Variants in PZP observed in about 807,000 individuals in gnomAD.
PZP encodes the protein pregnancy zone protein.
PZP carries 150 observed loss-of-function variants against 179.8 expected under a neutral mutation model. That is an observed-to-expected ratio of 0.83 (90% CI 0.73 to 0.96). PZP has a LOEUF of 0.96. Ranked by LOEUF, PZP falls within the 40% of genes least tolerant of loss-of-function variation. The pLI is 0.00. For synonymous variants in PZP, 624 were observed against 652.3 expected (o/e 0.96, Z 0.66); for missense variants, 1,689 against 1,764.0 (o/e 0.96, Z 0.76).
intron 25 of PZP, among the ~76,000 whole-genome samples, chr12:9,159,317 A>G (rs1940998206): frequency 6.6e-6 from 1 of 152,166 alleles, no homozygotes; most frequent in Admixed American, 6.5e-5. Flanking sequence ...CTCCTGACAC[A>G]TTTATTTATC....
At chr12:9,159,372 C>A (rs74060491) in intron 25 of PZP, among the ~76,000 whole-genome samples, 1,554 of 152,252 alleles carry the variant, frequency 0.01, 28 homozygotes, top group African/African-American at 0.035. Flanking sequence ...GCTAATAACT[C>A]TCACTTCCCA....
At chr12:9,146,895 G>A (rs956946084), downstream of PZP, among the ~76,000 whole-genome samples, 1 of 132,860 alleles carries the variant, frequency 7.5e-6, no homozygotes, top group African/African-American at 2.9e-5. Flanking sequence ...CAGAGAAGTT[G>A]GAGTATTGGA....
Position 9,196,571 on chromosome 12 carries a change from C to T in PZP, c.982G>A (p.Asp328Asn), listed in dbSNP as rs1475073389. ...VEARIREEGTDLEVTANRISE... is the reference protein window; with the variant it reads ...VEARIREEGTNLEVTANRISE... ...TCCCATATTCGTTCATTACTCACAC[C>T]TGTCCCCTCTTCTCTGATCCTGGCT... The change falls in exon 9 of 36, where the codon GAC becomes AAC. Residue 328 changes from aspartate to asparagine, a missense_variant and splice_region_variant. Physicochemically the swap from Asp to Asn is conservative, Grantham distance 23. Around this residue, in one of 3 missense-constraint regions of PZP, gnomAD observed 742 missense variants for 730.5 expected, o/e 1.02. Coordinates refer to ENST00000261336, the MANE Select transcript of PZP (RefSeq NM_002864.3). The T allele has an allele frequency of 2.5e-6, 4 of 1,598,334 alleles. No homozygotes were observed. The highest frequency in any genetic ancestry group is 1.7e-4 in the Middle Eastern group (1 of 6,034).
chr12:9,181,074 A>G lies in PZP; in HGVS notation c.1748T>C (p.Val583Ala), dbSNP rs1360774822. The G allele has an allele frequency of 6.2e-7, 1 of 1,614,162 alleles. No individual in the cohort carries two copies. Among genetic ancestry groups the G allele is most frequent in the Non-Finnish European group, 8.5e-7 (1 of 1,180,002 alleles). ...ACAGAGGGACTGCGGAGCAGCTGCT[A>G]CTTGCAGGTGGGCATGTGAGGCTGG... ...SPPASHAHLQ[V>A]AAAPQSLCAL... Residue 583 changes from valine (V) to alanine (A), a missense_variant, in exon 15 of 36, where the codon GTA becomes GCA. Physicochemically the swap from Val to Ala is moderately conservative, Grantham distance 64. Transcript: ENST00000261336.
At chr12:9,187,870 A>T (rs1943219972) in intron 13 of PZP, among the ~76,000 whole-genome samples, 1 of 152,216 alleles carries the variant, frequency 6.6e-6, no homozygotes, top group African/African-American at 2.4e-5. Flanking sequence ...TCAAGATGGA[A>T]AAAATGGCAG....
chr12:9,154,277 A>G (rs1010324674), intron 29 of PZP, among the ~76,000 whole-genome samples: 4 of 152,190 alleles, frequency 2.6e-5, no homozygotes, highest in African/African-American at 9.7e-5. Flanking sequence ...AAGGCTGAGG[A>G]TAGTTCCTTT....
At chr12:9,147,293 T>C (rs535058196), downstream of PZP, among the ~76,000 whole-genome samples, 39 of 152,260 alleles carry the variant, frequency 2.6e-4, no homozygotes, top group Non-Finnish European at 4.4e-4. Context: ...GTCAGAACTC[T>C]ATCACTGGCA....
At chr12:9,157,442 T>C in intron 27 of PZP, 87 bp from the exon 28 acceptor site, 1 of 1,292,914 alleles carries the variant, frequency 7.7e-7, no homozygotes, top group Non-Finnish European at 1.1e-6. Flanking sequence ...TCAGATGTTA[T>C]TAATAGATTT....
chr12:9,159,711 C>T (rs139872482), intron 25 of PZP, among the ~76,000 whole-genome samples: 14 of 151,746 alleles, frequency 9.2e-5, no homozygotes, highest in African/African-American at 2.7e-4. Context: ...CCTGCATCAC[C>T]GTGGGACTCC....
intron 13 of PZP, among the ~76,000 whole-genome samples, chr12:9,186,848 T>C (rs539839881): frequency 1.0e-3 from 24 of 23,000 alleles, no homozygotes; most frequent in Middle Eastern, 0.025. Context: ...CTGGGGCCTG[T>C]CGGGGGTGGG....
In PZP at chr12:9,163,808, A is replaced by T. The variant is rs1478116343; in HGVS notation, c.2615-19T>A. The T allele has an allele frequency of 1.9e-6, 3 of 1,608,098 alleles. No homozygotes were observed. The African/African-American group carries it at 4.0e-5, about 22-fold the overall frequency. ...ACATTCCCTAAAACAAGGAATATTG[A>T]AAACATGAGTATCCACTTTGATAGT... On this transcript the variant is annotated intron_variant, in intron 20 of 35. Coordinates refer to ENST00000261336, the MANE Select transcript of PZP (RefSeq NM_002864.3).
chr12:9,162,305 C>T, intron 22 of PZP: 1 of 309,680 alleles, frequency 3.2e-6, no homozygotes, highest in Non-Finnish European at 5.9e-6. Context: ...CTCTAAGCTT[C>T]TGCAGCTGGG....
chr12:9,137,348 C>T, the PZP span, among the ~76,000 whole-genome samples: 2 of 152,008 alleles, frequency 1.3e-5, no homozygotes, highest in Non-Finnish European at 2.9e-5. Flanking sequence ...TTTATGGGTG[C>T]ATTTATTCCT....
chr12:9,165,405 T>C lies in PZP; in HGVS notation c.2259-38A>G, dbSNP rs149153066. 577 of 1,607,412 alleles carry C rather than the reference T, an allele frequency of 3.6e-4. 12 individuals carry two copies. In the East Asian group the frequency reaches 0.012, roughly 35 times the overall value. On this transcript the variant is annotated intron_variant, in intron 18 of 35. Transcript: ENST00000261336. ...GCAAGTGAAGAACAGAAATAATGAA[T>C]GTAAGCCACCTTTTCTCAAGTGAGA...
rs1241942110 is a variant in PZP at position 9,197,094 on chromosome 12, A to G, written c.785T>C (p.Leu262Pro). The G allele has an allele frequency of 6.2e-7, 1 of 1,613,430 alleles. No homozygotes were observed. Among genetic ancestry groups the G allele is most frequent in the Non-Finnish European group, 8.5e-7 (1 of 1,179,580 alleles). The stretch of plus-strand genomic sequence containing the variant: ...TTTTCTACACAGGCTCACAGTTGCA[A>G]GTCCTGGGACAGGCTTCCCATAAGT... Reference protein sequence around the residue: ...EYTYGKPVPGLATVSLCRKLS... With the variant: ...EYTYGKPVPGPATVSLCRKLS... Residue 262 changes from leucine (L) to proline (P), a missense_variant, in exon 8 of 36, where the codon CTT becomes CCT. Coordinates refer to ENST00000261336, the MANE Select transcript of PZP (RefSeq NM_002864.3).
At chr12:9,178,864 T>C (rs1241322640) in intron 15 of PZP, among the ~76,000 whole-genome samples, 1 of 152,178 alleles carries the variant, frequency 6.6e-6, no homozygotes, top group Non-Finnish European at 1.5e-5. Context: ...ATGTTAATTT[T>C]GATAATTAAA....
rs758752948 is a variant in PZP, at chr12:9,169,421, G to T, written c.2001+9C>A. ...AAGCCAGCATGTTAATAAGTAGTGA[G>T]AATTTTACCTTGAGGAAGCTATAAA... On this transcript the variant is annotated intron_variant, in intron 16 of 35. Coordinates refer to ENST00000261336, the MANE Select transcript of PZP (RefSeq NM_002864.3). The T allele has an allele frequency of 1.3e-6, 2 of 1,581,778 alleles. No homozygotes were observed. The highest frequency in any genetic ancestry group is 8.6e-7 in the Non-Finnish European group (1 of 1,163,138).
chr12:9,192,947 C>T (rs1416816305), intron 11 of PZP, among the ~76,000 whole-genome samples: 3 of 152,124 alleles, frequency 2.0e-5, no homozygotes, highest in African/African-American at 2.4e-5. Context: ...TCTCTTTTGC[C>T]CTGATTCTGC....
chr12:9,204,035 T>C (rs1407530291), intron 1 of PZP, 84 bp from the exon 2 acceptor site: 10 of 1,290,014 alleles, frequency 7.8e-6, no homozygotes, highest in Middle Eastern at 2.5e-4. Flanking sequence ...TAACAATATG[T>C]ATTAATTGGT....
Sources: allele counts gnomAD v4.1 joint callset (sites outside exome capture counted in the v4.1 genomes callset), GRCh38; gene constraint gnomAD v4.1.1; regional missense constraint gnomAD v4.1.1; transcripts MANE v1.5; gene names NCBI Gene and HGNC (gene_info 2026-07-23, HGNC 2026-07-21).